The following ARHGAP32 variants were observed in gnomAD, a reference collection of about 807,000 sequenced individuals.
ARHGAP32 encodes Rho GTPase activating protein 32, also known as rho GTPase-activating protein 32.
In ARHGAP32, 51 loss-of-function variants were observed where a neutral mutation model predicts 186.5. The ratio of observed to expected loss-of-function variants is 0.27; its 90% CI spans 0.22 to 0.35. ARHGAP32 has a LOEUF of 0.35. ARHGAP32 is among the 10% of genes least tolerant of loss of function. The probability of loss-of-function intolerance (pLI) is 1.00; values close to 1 mark genes in which losing one functional copy is unlikely to be tolerated. For synonymous variants in ARHGAP32, 950 were observed against 964.3 expected, an observed-to-expected ratio of 0.99 and a Z score of 0.27; for missense variants, 2,186 against 2,623.5, an observed-to-expected ratio of 0.83 and a Z score of 3.64.
Position 128,972,488 on chromosome 11 carries a change from C to T in ARHGAP32, c.4018G>A (p.Ala1340Thr), listed in dbSNP as rs1248571520. The T allele has an allele frequency of 2.0e-6, 3 of 1,526,808 alleles. No homozygotes were observed. The highest frequency in any genetic ancestry group is 2.8e-5 in the African/African-American group (2 of 71,880). The allele number at this position is 1,526,808 out of a possible 1,614,324, so 94.6% of individuals were successfully genotyped here. A position where few individuals can be genotyped will look rare whatever the true frequency, so the allele number is the denominator to read the frequency against. ...TTATTTAATCCTATATTGGTTGCTG[C>T]TTGTACCTGCCCCACAACTGGTGGC... Reference protein sequence around the residue: ...EQPPVVGQVQAATNIGLNNSH... With the variant: ...EQPPVVGQVQTATNIGLNNSH... Residue 1340 changes from alanine to threonine, a missense_variant, in exon 22 of 23, where the codon GCA (alanine) becomes ACA (threonine). Ala to Thr is a moderately conservative substitution (Grantham distance 58). Around this residue, in one of 5 missense-constraint regions of ARHGAP32, gnomAD observed 1,502 missense variants for 1,570.0 expected, o/e 0.96. Transcript: ENST00000682385.
rs767898064 is a variant in ARHGAP32, at chr11:128,974,734, G to A, written c.2463C>T (p.Ala821=). 4.1e-5 allele frequency: 66 copies of A among 1,614,098 alleles called. No individual in the cohort carries two copies. Among genetic ancestry groups the A allele is most frequent in the Non-Finnish European group, 5.3e-5 (63 of 1,180,026 alleles). Residue 821 remains alanine, a synonymous_variant, in exon 21 of 23, where the codon GCC becomes GCT. Coordinates refer to ENST00000682385, the MANE Select transcript of ARHGAP32 (RefSeq NM_001378024.1). ...CACCACTCTCCAGACATTCTGATTC[G>A]GCCTTAGGAGGACTACATTGAAATG... ...PMSFQCSPPK[A]ESECLESGAS...
At position 128,971,010 on chromosome 11, in the gene ARHGAP32, C is replaced by G; in HGVS notation, c.4203G>C (p.Arg1401=). 2.5e-6 allele frequency: 4 copies of G among 1,613,802 alleles called. No homozygotes were observed. The highest frequency in any genetic ancestry group is 3.4e-6 in the Non-Finnish European group (4 of 1,180,028). ...GCAGCAGCGGGACCCGGGCACCGTC[C>G]CGCACTTTCTCAGGCAGGCCTGGCT... The part of the protein sequence containing the change: ...AVQPGLPEKV[R]DGARVPLLHL... Residue 1401 remains arginine (R), a synonymous_variant, in exon 23 of 23, where the codon CGG becomes CGC. Coordinates refer to ENST00000682385, the MANE Select transcript of ARHGAP32 (RefSeq NM_001378024.1).
At chr11:129,057,873 G>A (rs1230881260) in intron 10 of ARHGAP32, among the ~76,000 whole-genome samples, 1 of 151,990 alleles carries the variant, frequency 6.6e-6, no homozygotes, top group Admixed American at 6.6e-5. Context: ...AAGGGATTAG[G>A]ACACAGACAA....
At chr11:129,093,025 G>T (rs1372539347) in intron 6 of ARHGAP32, among the ~76,000 whole-genome samples, 1 of 151,938 alleles carries the variant, frequency 6.6e-6, no homozygotes, top group Non-Finnish European at 1.5e-5. Flanking sequence ...ACAAGTCATG[G>T]TCATTACCTT....
chr11:129,087,476 G>C (rs1941441534), intron 6 of ARHGAP32, among the ~76,000 whole-genome samples: 1 of 152,200 alleles, frequency 6.6e-6, no homozygotes, highest in Admixed American at 6.5e-5. Context: ...ATTACTAAGT[G>C]AAAGAAGCCA....
chr11:129,203,978 A>C (rs1034853409), intron 1 of ARHGAP32, among the ~76,000 whole-genome samples: 3 of 148,044 alleles, frequency 2.0e-5, no homozygotes, highest in Admixed American at 6.8e-5. Context: ...ATAAAAGTAC[A>C]TATATACATA....
chr11:128,982,474 C>CATGTGTGTGT (rs71472083), intron 15 of ARHGAP32, among the ~76,000 whole-genome samples: 1 of 147,362 alleles, frequency 6.8e-6, no homozygotes, highest in Non-Finnish European at 1.5e-5. Flanking sequence ...AGGTAAGTGC[C>CATGTGTGTGT]GTGTGTGTGT....
upstream of ARHGAP32, among the ~76,000 whole-genome samples, chr11:129,194,640 G>A (rs933370705): frequency 7.9e-5 from 12 of 152,074 alleles, no homozygotes; most frequent in East Asian, 7.8e-4. Context: ...CAGACAGCTG[G>A]AGAAGAGGAA....
chr11:129,153,115 C>T (rs1943325689), intron 2 of ARHGAP32, among the ~76,000 whole-genome samples: 1 of 150,160 alleles, frequency 6.7e-6, no homozygotes, highest in Non-Finnish European at 1.5e-5. Flanking sequence ...AGAATCAAAT[C>T]AAGAACTCAA....
intron 10 of ARHGAP32, among the ~76,000 whole-genome samples, chr11:129,050,461 C>G (rs1939997032): frequency 6.6e-6 from 1 of 152,152 alleles, no homozygotes; most frequent in African/African-American, 2.4e-5. Context: ...CTGCCTCAGC[C>G]TCCCAAGTAG....
upstream of ARHGAP32, among the ~76,000 whole-genome samples, chr11:129,194,820 TTAAC>T (rs1944370422): frequency 6.6e-6 from 1 of 152,042 alleles, no homozygotes; most frequent in Non-Finnish European, 1.5e-5. Context: ...TACCAAAATA[TTAAC>T]TAATTTTAAA....
intron 7 of ARHGAP32, 86 bp downstream of exon 7, chr11:129,066,645 A>G (rs995461346): frequency 1.5e-6 from 2 of 1,321,590 alleles, no homozygotes; most frequent in African/African-American, 2.9e-5. Flanking sequence ...CGTGTTCAGT[A>G]TAAGCTTTTG....
chr11:129,019,475 A>G (rs917743189), intron 11 of ARHGAP32, among the ~76,000 whole-genome samples: 6 of 152,170 alleles, frequency 3.9e-5, no homozygotes, highest in Admixed American at 2.0e-4. Flanking sequence ...TTAAAAGTTG[A>G]TATCAAAAGA....
Position 129,163,476 on chromosome 11 carries a change from A to C in ARHGAP32, c.225+843T>G, listed in dbSNP as rs528420451. On this transcript the variant is annotated intron_variant, in intron 2 of 22. Coordinates refer to ENST00000682385, the MANE Select transcript of ARHGAP32 (RefSeq NM_001378024.1). Reference sequence around the variant, plus strand: ...TGCTTTTCCAGCATCTCAGTACTATAAATTCCATTCTTCAGGTTGACGAAG... The same window carrying C: ...TGCTTTTCCAGCATCTCAGTACTATCAATTCCATTCTTCAGGTTGACGAAG... Among the ~76,000 whole-genome samples, 14 of 152,292 alleles carry C rather than the reference A, an allele frequency of 9.2e-5. No homozygotes were observed. The East Asian group carries it at 2.5e-3, about 27-fold the overall frequency.
In ARHGAP32 at chr11:128,965,605, T is replaced by C. The variant is rs193154004; in HGVS notation, c.*3302A>G. On this transcript the variant is annotated 3_prime_UTR_variant, in exon 23 of 23. Coordinates refer to ENST00000682385, the MANE Select transcript of ARHGAP32 (RefSeq NM_001378024.1). Reference sequence around the variant, plus strand: ...ACGTTATAATACACCATTCCTGACATTTCTGTAACACACAGTGCTGAAAAT... The same window carrying C: ...ACGTTATAATACACCATTCCTGACACTTCTGTAACACACAGTGCTGAAAAT... 1.0e-3 allele frequency: 155 copies of C among 152,348 alleles called. No homozygotes were observed. The highest frequency in any genetic ancestry group is 3.6e-3 in the African/African-American group (148 of 41,572). 9.4% of individuals were successfully genotyped at this position (152,348 alleles called of 1,614,324 possible).
At chr11:129,265,187 C>T (rs1158790398) in intron 1 of ARHGAP32, among the ~76,000 whole-genome samples, 5 of 152,150 alleles carry the variant, frequency 3.3e-5, no homozygotes, top group Non-Finnish European at 5.9e-5. Flanking sequence ...ACTATGGAGG[C>T]ACAAGTAGTT....
intron 1 of ARHGAP32, among the ~76,000 whole-genome samples, chr11:129,177,156 C>G (rs536609110): frequency 8.0e-4 from 122 of 152,178 alleles, no homozygotes; most frequent in Admixed American, 2.8e-3. Flanking sequence ...ATACTACAAA[C>G]ACCTCTACGC....
intron 2 of ARHGAP32, among the ~76,000 whole-genome samples, chr11:129,128,929 G>T (rs963263449): frequency 1.3e-5 from 2 of 152,130 alleles, no homozygotes; most frequent in African/African-American, 4.8e-5. Flanking sequence ...ATCTCGGCTC[G>T]CTACAACCTC....
intron 1 of ARHGAP32, among the ~76,000 whole-genome samples, chr11:129,270,566 G>C (rs1197307771): frequency 1.3e-5 from 2 of 151,824 alleles, no homozygotes; most frequent in Non-Finnish European, 2.9e-5. Context: ...TGGACTTCGG[G>C]TGATAATGAT....
Sources: allele counts gnomAD v4.1 joint callset (sites outside exome capture counted in the v4.1 genomes callset), GRCh38; gene constraint gnomAD v4.1.1; regional missense constraint gnomAD v4.1.1; transcripts MANE v1.5; gene names NCBI Gene and HGNC (gene_info 2026-07-23, HGNC 2026-07-21).